The following CHADL variants were observed in gnomAD, a reference collection of about 807,000 sequenced individuals.
CHADL encodes the protein chondroadherin like, also known as chondroadherin-like protein.
A neutral mutation model predicts 52.1 loss-of-function variants in CHADL; 48 were observed. The ratio of observed to expected loss-of-function variants is 0.92; its 90% CI spans 0.73 to 1.17. The LOEUF is 1.17. Ranked by LOEUF, CHADL falls within the 50% of genes most tolerant of loss-of-function variation. The probability of loss-of-function intolerance (pLI) is 0.00; values close to 1 mark genes in which losing one functional copy is unlikely to be tolerated. For synonymous variants in CHADL, 498 were observed against 511.2 expected (o/e 0.97, Z 0.35); for missense variants, 977 against 1,035.1 (o/e 0.94, Z 0.77).
In CHADL at chr22:41,236,613, A is replaced by G. The variant is rs1569158865; in HGVS notation, c.1934T>C (p.Leu645Pro). The G allele has an allele frequency of 2.6e-6, 4 of 1,550,494 alleles. No individual in the cohort carries two copies. In the Admixed American group the frequency reaches 5.9e-5, roughly 23 times the overall value. ...PGAFSGLGPG[L>P]QSLHLQKNQL... Reference sequence around the variant, plus strand: ...GTTCTTCTGCAGGTGCAGGCTCTGGAGCCCGGGCCCCAGGCCTGAAAAGGC... The same window carrying G: ...GTTCTTCTGCAGGTGCAGGCTCTGGGGCCCGGGCCCCAGGCCTGAAAAGGC... Residue 645 changes from leucine to proline, a missense_variant, in exon 4 of 6, where the codon CTC becomes CCC. Leu to Pro is a moderately conservative substitution (Grantham distance 98). Transcript: ENST00000216241.
Position 41,238,837 on chromosome 22 carries a change from C to G in CHADL, c.235G>C (p.Ala79Pro). 6.5e-7 allele frequency: 1 copy of G among 1,546,772 alleles called. No homozygotes were observed. The highest frequency in any genetic ancestry group is 8.7e-7 in the Non-Finnish European group (1 of 1,144,502). Residue 79 changes from alanine (A) to proline (P), a missense_variant, in exon 3 of 6, where the codon GCA becomes CCA. Coordinates refer to ENST00000216241, the MANE Select transcript of CHADL (RefSeq NM_138481.2). The surrounding 1 kb of genome is among the most constrained non-coding windows in gnomAD (Gnocchi z 4.9). The stretch of plus-strand genomic sequence containing the variant: ...TGAGGCACGCCCTGGAAGGCGGCTG[C>G]GGGGATCACCTTCAGCAAATTGCCC... The part of the protein sequence containing the change: ...LQGNLLKVIP[A>P]AAFQGVPHLT...
chr22:41,231,539 T>G (rs139484), intron 5 of CHADL, among the ~76,000 whole-genome samples: 58,686 of 152,180 alleles, frequency 0.39, 11,606 homozygotes, highest in Middle Eastern at 0.46. Flanking sequence ...TGGCATAAAG[T>G]TGGCTTGTGT....
At chr22:41,237,071 G>A (rs943842926) in intron 3 of CHADL, 105 bp downstream of exon 3, 4 of 1,231,822 alleles carry the variant, frequency 3.2e-6, no homozygotes, top group Non-Finnish European at 4.4e-6. Context: ...TGCCCAGGCT[G>A]AGACCTGGCA....
rs2032788691 is a variant in CHADL at position 41,238,294 on chromosome 22, G to A, written c.778C>T (p.Leu260=). The part of the protein sequence containing the change: ...GLALPGLREL[L]LDGGALQALG... ...GCCTGCAGGGCCCCGCCGTCCAGCAGCAGCTCCCGCAGGCCGGGCAGCGCC... is the reference window on the plus strand; with the variant it reads ...GCCTGCAGGGCCCCGCCGTCCAGCAACAGCTCCCGCAGGCCGGGCAGCGCC... The change falls in exon 3 of 6, where the codon CTG becomes TTG. Residue 260 remains leucine, a synonymous_variant. Transcript: ENST00000216241. This position sits in a 1 kb window ranked among gnomAD's most constrained non-coding sequence, Gnocchi z 4.9. The A allele has an allele frequency of 1.3e-6, 2 of 1,528,638 alleles. No individual in the cohort carries two copies. Among genetic ancestry groups the A allele is most frequent in the African/African-American group, 1.4e-5 (1 of 72,362 alleles). The allele number at this position is 1,528,638 out of a possible 1,614,324, so 94.7% of individuals were successfully genotyped here. A position where few individuals can be genotyped will look rare whatever the true frequency, so the allele number is the denominator to read the frequency against.
chr22:41,239,434 C>A lies in CHADL; in HGVS notation c.186+9G>T, dbSNP rs891277101. ...TGCCACTCTGTGCCTGTGCTCCTGC[C>A]CTGCTGACCTCAGGGATGGCGTCTG... On this transcript the variant is annotated intron_variant, in intron 2 of 5. Coordinates refer to ENST00000216241, the MANE Select transcript of CHADL (RefSeq NM_138481.2). 6.5e-7 allele frequency: 1 copy of A among 1,550,010 alleles called. No individual in the cohort carries two copies. Among genetic ancestry groups the A allele is most frequent in the African/African-American group, 1.4e-5 (1 of 72,978 alleles).
At chr22:41,232,131 G>A (rs2032614507) in intron 5 of CHADL, among the ~76,000 whole-genome samples, 1 of 152,024 alleles carries the variant, frequency 6.6e-6, no homozygotes, top group Non-Finnish European at 1.5e-5. Context: ...AGGAGATCGA[G>A]ACCATCCTGG....
chr22:41,238,656 A>C lies in CHADL; in HGVS notation c.416T>G (p.Leu139Arg). The change falls in exon 3 of 6, where the codon CTG becomes CGG. Residue 139 changes from leucine to arginine, a missense_variant. Leu to Arg is a moderately radical substitution (Grantham distance 102). Coordinates refer to ENST00000216241, the MANE Select transcript of CHADL (RefSeq NM_138481.2). The surrounding 1 kb of genome is among the most constrained non-coding windows in gnomAD (Gnocchi z 4.9). Reference protein sequence around the residue: ...ALDGLGSLRRLELEGNALEEL... With the variant: ...ALDGLGSLRRRELEGNALEEL... ...CTCCAGTGCGTTCCCCTCCAGCTCC[A>C]GCCGCCGCAACGAGCCCAGCCCGTC... 2 of 1,543,726 alleles carry C rather than the reference A, an allele frequency of 1.3e-6. No individual in the cohort carries two copies. The highest frequency in any genetic ancestry group is 1.7e-6 in the Non-Finnish European group (2 of 1,145,826).
rs565455736 is a variant in CHADL, at chr22:41,233,332, C to T, written c.2262+1813G>A. 1.6e-4 allele frequency among the ~76,000 whole-genome samples: 24 copies of T among 152,128 alleles called. 1 individual carries two copies. The highest frequency in any genetic ancestry group is 2.1e-4 in the South Asian group (1 of 4,818). On this transcript the variant is annotated intron_variant, in intron 5 of 5. Coordinates refer to ENST00000216241, the MANE Select transcript of CHADL (RefSeq NM_138481.2). Reference sequence around the variant, plus strand: ...CAAAAGTTAGCCATGCGTGGTGGCACGCACCTGTAATCTCAGCTACTTGGG... The same window carrying T: ...CAAAAGTTAGCCATGCGTGGTGGCATGCACCTGTAATCTCAGCTACTTGGG...
At position 41,236,569 on chromosome 22, in the gene CHADL, C is replaced by G; in HGVS notation, c.1978G>C (p.Ala660Pro). 1.3e-6 allele frequency: 2 copies of G among 1,551,362 alleles called. No individual in the cohort carries two copies. Among genetic ancestry groups the G allele is most frequent in the Non-Finnish European group, 1.7e-6 (2 of 1,146,940 alleles). Residue 660 changes from alanine to proline, a missense_variant, in exon 4 of 6, where the codon GCC becomes CCC. Transcript: ENST00000216241. ...TCCAGCTGGCTGAGACTGGGCAGGG[C>G]AGGCAGGGCCCGAAGCTGGTTCTTC... ...LQKNQLRALP[A>P]LPSLSQLELI... is the part of the protein sequence containing the mutation.
intron 5 of CHADL, among the ~76,000 whole-genome samples, chr22:41,232,854 C>T (rs2032652609): frequency 6.6e-6 from 1 of 152,258 alleles, no homozygotes; most frequent in East Asian, 1.9e-4. Flanking sequence ...AGCACTGCTG[C>T]CATTTCCCAG....
chr22:41,231,888 G>A (rs1439917368), intron 5 of CHADL, among the ~76,000 whole-genome samples: 1 of 152,140 alleles, frequency 6.6e-6, no homozygotes, highest in African/African-American at 2.4e-5. Context: ...CAGGGAAAGG[G>A]ATGCAAGGGA....
Position 41,237,949 on chromosome 22 carries a change from C to G in CHADL, c.1123G>C (p.Gly375Arg). 7.9e-7 allele frequency: 1 copy of G among 1,262,926 alleles called. No individual in the cohort carries two copies. Among genetic ancestry groups the G allele is most frequent in the South Asian group, 3.0e-5 (1 of 33,314 alleles). 78.2% of individuals were successfully genotyped at this position (1,262,926 alleles called of 1,614,324 possible). ...GGGCCGCGCGGAGGGGCGCGGGGCCCGGCCACAGCCCGCTCTTCCAGCTCT... is the reference window on the plus strand; with the variant it reads ...GGGCCGCGCGGAGGGGCGCGGGGCCGGGCCACAGCCCGCTCTTCCAGCTCT... The part of the protein sequence containing the change: ...EEELEERAVA[G>R]PRAPPRGPPR... The change falls in exon 3 of 6, where the codon GGG becomes CGG. Residue 375 changes from glycine (G) to arginine (R), a missense_variant. Gly to Arg is a moderately radical substitution (Grantham distance 125, BLOSUM62 -2). Coordinates refer to ENST00000216241, the MANE Select transcript of CHADL (RefSeq NM_138481.2).
In CHADL at chr22:41,236,662, T is replaced by A. The variant is rs1280626860; in HGVS notation, c.1897-12A>T. 6.5e-7 allele frequency: 1 copy of A among 1,544,232 alleles called. No individual in the cohort carries two copies. The highest frequency in any genetic ancestry group is 1.4e-5 in the African/African-American group (1 of 73,004). ...GCCCCAGGACAAATCTGCAAGGAGT[T>A]GCCAGGCCCCAATGTGAGCTCCTGG... On this transcript the variant is annotated splice_polypyrimidine_tract_variant and intron_variant, in intron 3 of 5. Coordinates refer to ENST00000216241, the MANE Select transcript of CHADL (RefSeq NM_138481.2).
At chr22:41,234,277 G>A (rs1261871614) in intron 5 of CHADL, among the ~76,000 whole-genome samples, 1 of 152,192 alleles carries the variant, frequency 6.6e-6, no homozygotes, top group Non-Finnish European at 1.5e-5. Flanking sequence ...CTGTCCCACA[G>A]CAGGAGCAAA....
Position 41,238,197 on chromosome 22 carries a change from G to T in CHADL, c.875C>A (p.Thr292Asn). The T allele has an allele frequency of 2.0e-6, 3 of 1,519,420 alleles. No homozygotes were observed. The highest frequency in any genetic ancestry group is 2.6e-6 in the Non-Finnish European group (3 of 1,141,020). The allele number at this position is 1,519,420 out of a possible 1,614,324, so 94.1% of individuals were successfully genotyped here. ...GCCCGGGCCCTGCAGCGGGGGCAGG[G>T]TGTCTAGCTGGTTCCCGCGGAGGTC... ...TLDLRGNQLD[T>N]LPPLQGPGQL... is the part of the protein sequence containing the mutation. The change falls in exon 3 of 6, where the codon ACC (threonine) becomes AAC (asparagine). Residue 292 changes from threonine to asparagine, a missense_variant. Physicochemically the swap from Thr to Asn is moderately conservative, Grantham distance 65. Transcript: ENST00000216241. The surrounding 1 kb of genome is among the most constrained non-coding windows in gnomAD (Gnocchi z 4.9).
At chr22:41,232,130 A>C (rs1262835601) in intron 5 of CHADL, among the ~76,000 whole-genome samples, 2 of 151,628 alleles carry the variant, frequency 1.3e-5, no homozygotes, top group Admixed American at 6.6e-5. Context: ...CAGGAGATCG[A>C]GACCATCCTG....
In CHADL at chr22:41,236,541, A is replaced by G. The variant is rs1356246205; in HGVS notation, c.2006T>C (p.Leu669Pro). The change falls in exon 4 of 6, where the codon CTC becomes CCC. Residue 669 changes from leucine (L) to proline (P), a missense_variant. Coordinates refer to ENST00000216241, the MANE Select transcript of CHADL (RefSeq NM_138481.2). ...PALPSLSQLE[L>P]IDLSSNPFHC... Reference sequence around the variant, plus strand: ...GAAGGGATTGCTGCTGAGGTCGATGAGCTCCAGCTGGCTGAGACTGGGCAG... The same window carrying G: ...GAAGGGATTGCTGCTGAGGTCGATGGGCTCCAGCTGGCTGAGACTGGGCAG... 1 of 1,551,384 alleles carries G rather than the reference A, an allele frequency of 6.4e-7. No homozygotes were observed. The highest frequency in any genetic ancestry group is 8.7e-7 in the Non-Finnish European group (1 of 1,146,918).
intron 5 of CHADL, among the ~76,000 whole-genome samples, chr22:41,232,155 A>AC (rs1238922466): frequency 2.0e-5 from 3 of 151,882 alleles, no homozygotes; most frequent in Admixed American, 1.3e-4. Context: ...ACACGATGAA[A>AC]CCCTGTCTCT....
Position 41,235,200 on chromosome 22 carries a change from G to C in CHADL, c.2207C>G (p.Ser736Cys). Reference sequence around the variant, plus strand: ...GGGGGTTCTCCTGGCACTGGGCCTGGAGGCTGGTGTCCGCTTGGCCTTTCT... The same window carrying C: ...GGGGGTTCTCCTGGCACTGGGCCTGCAGGCTGGTGTCCGCTTGGCCTTTCT... The part of the protein sequence containing the change: ...AARKAKRTPA[S>C]RPSARRTPIK... Residue 736 changes from serine (S) to cysteine (C), a missense_variant, in exon 5 of 6, where the codon TCC becomes TGC. Physicochemically the swap from Ser to Cys is moderately radical, Grantham distance 112. Coordinates refer to ENST00000216241, the MANE Select transcript of CHADL (RefSeq NM_138481.2). 6.4e-7 allele frequency: 1 copy of C among 1,551,572 alleles called. No homozygotes were observed. Among genetic ancestry groups the C allele is most frequent in the Non-Finnish European group, 8.7e-7 (1 of 1,147,010 alleles).
Sources: gnomAD v4.1 joint callset for allele counts (sites outside exome capture counted in the v4.1 genomes callset) on GRCh38, gnomAD v4.1.1 for gene constraint, Gnocchi (gnomAD v3.1) non-coding constraint, MANE v1.5 for transcripts, NCBI Gene and HGNC (gene_info 2026-07-23, HGNC 2026-07-21) for gene names.